Variants in RNF180 observed in about 807,000 individuals in gnomAD.
RNF180 encodes the protein ring finger protein 180.
A neutral mutation model predicts 59.2 loss-of-function variants in RNF180; 38 were observed. The observed-to-expected ratio is 0.64, with a 90% CI of 0.50 to 0.84. The LOEUF (loss-of-function observed/expected upper bound fraction) is 0.84. RNF180 is among the 40% of genes least tolerant of loss of function. The probability of loss-of-function intolerance (pLI) is 0.00; values close to 1 mark genes in which losing one functional copy is unlikely to be tolerated. For synonymous variants in RNF180, 262 were observed against 240.3 expected (o/e 1.09, Z -0.84); for missense variants, 705 against 700.9 (o/e 1.01, Z -0.07).
At chr5:64,255,112 A>G (rs1038711542) in intron 5 of RNF180, among the ~76,000 whole-genome samples, 9 of 152,188 alleles carry the variant, frequency 5.9e-5, no homozygotes, top group Non-Finnish European at 1.3e-4. Context: ...TTTTAAAAAA[A>G]TTATTAAACC....
chr5:64,249,032 C>T (rs1743381064), intron 5 of RNF180, among the ~76,000 whole-genome samples: 2 of 152,150 alleles, frequency 1.3e-5, no homozygotes, highest in African/African-American at 4.8e-5. Context: ...CATGTTTTCA[C>T]TCATAAGTGG....
chr5:64,182,387 A>G (rs1170061336), intron 1 of RNF180, among the ~76,000 whole-genome samples: 2 of 152,192 alleles, frequency 1.3e-5, no homozygotes, highest in Non-Finnish European at 2.9e-5. Context: ...TTATTGTGAA[A>G]CTAGGGTTGT....
At chr5:64,354,690 CT>C (rs1220844815) in intron 7 of RNF180, among the ~76,000 whole-genome samples, 3 of 151,730 alleles carry the variant, frequency 2.0e-5, no homozygotes, top group African/African-American at 4.8e-5. Context: ...CAAAAATTCT[CT>C]GCAAAATACT....
chr5:64,216,385 C>A (rs539500394), intron 4 of RNF180, among the ~76,000 whole-genome samples: 1 of 152,190 alleles, frequency 6.6e-6, no homozygotes, highest in South Asian at 2.1e-4. Context: ...ATTATGTAAA[C>A]ACTTACTAAA....
intron 5 of RNF180, among the ~76,000 whole-genome samples, chr5:64,302,919 A>G (rs576704820): frequency 2.3e-4 from 35 of 151,740 alleles, no homozygotes; most frequent in African/African-American, 8.2e-4. Flanking sequence ...GCTTTATTTC[A>G]CTTTGTAGAT....
intron 5 of RNF180, among the ~76,000 whole-genome samples, chr5:64,291,545 C>A (rs899073386): frequency 6.6e-6 from 1 of 151,100 alleles, no homozygotes; most frequent in Admixed American, 6.6e-5. Context: ...CTGTCTCAGC[C>A]TCCTGAGTAG....
intron 5 of RNF180, among the ~76,000 whole-genome samples, chr5:64,260,794 A>G (rs1744292648): frequency 6.6e-6 from 1 of 152,200 alleles, no homozygotes; most frequent in Non-Finnish European, 1.5e-5. Flanking sequence ...TAAAATGGGA[A>G]TGTTAATCCC....
At chr5:64,224,945 C>T (rs570613290) in intron 5 of RNF180, among the ~76,000 whole-genome samples, 2 of 152,306 alleles carry the variant, frequency 1.3e-5, no homozygotes, top group South Asian at 4.1e-4. Flanking sequence ...AGGCCTTCAC[C>T]ACACCAAATG....
intron 7 of RNF180, among the ~76,000 whole-genome samples, chr5:64,357,783 A>T (rs1018828019): frequency 2.1e-4 from 32 of 151,954 alleles, no homozygotes; most frequent in Admixed American, 1.8e-3. Context: ...GGCGAATATA[A>T]ATTCGAATCA....
intron 5 of RNF180, among the ~76,000 whole-genome samples, chr5:64,308,938 C>T (rs1743612412): frequency 6.6e-6 from 1 of 151,648 alleles, no homozygotes; most frequent in African/African-American, 2.4e-5. Context: ...CTCTCCTCCT[C>T]CTTCTGTAAC....
intron 1 of RNF180, among the ~76,000 whole-genome samples, chr5:64,188,200 G>A (rs1750962684): frequency 6.6e-6 from 1 of 152,140 alleles, no homozygotes; most frequent in African/African-American, 2.4e-5. Flanking sequence ...CAAAGCAGTT[G>A]TGGGTTACTG....
intron 2 of RNF180, among the ~76,000 whole-genome samples, chr5:64,211,413 A>G (rs1752303736): frequency 6.6e-6 from 1 of 152,132 alleles, no homozygotes. Context: ...TGGCTAATTT[A>G]TAAAGTTTAT....
At chr5:64,310,429 A>G (rs1350393857) in intron 5 of RNF180, among the ~76,000 whole-genome samples, 1 of 151,472 alleles carries the variant, frequency 6.6e-6, no homozygotes, top group Admixed American at 6.6e-5. Flanking sequence ...ATATGTCTCA[A>G]TCTTTTAGCC....
chr5:64,203,945 C>T (rs1561186627), intron 2 of RNF180, among the ~76,000 whole-genome samples: 1 of 151,792 alleles, frequency 6.6e-6, no homozygotes, highest in Non-Finnish European at 1.5e-5. Flanking sequence ...TTATTAGAAC[C>T]CCAAAGTAAT....
intron 6 of RNF180, among the ~76,000 whole-genome samples, chr5:64,328,731 T>G (rs898896653): frequency 3.3e-5 from 5 of 152,196 alleles, no homozygotes; most frequent in Non-Finnish European, 7.3e-5. Flanking sequence ...CCCTTTAAAT[T>G]TCTTAGGTAA....
chr5:64,187,075 G>A (rs1174083293), intron 1 of RNF180, among the ~76,000 whole-genome samples: 1 of 152,112 alleles, frequency 6.6e-6, no homozygotes, highest in Non-Finnish European at 1.5e-5. Flanking sequence ...CATTTCTTCA[G>A]TAATATTTTA....
chr5:64,264,042 A>G (rs192115656), intron 5 of RNF180, among the ~76,000 whole-genome samples: 41 of 152,142 alleles, frequency 2.7e-4, no homozygotes, highest in Non-Finnish European at 1.0e-4. Context: ...TTCAGTCTCC[A>G]TATAGTAGTC....
At chr5:64,324,935 A>G (rs1487787453) in intron 5 of RNF180, among the ~76,000 whole-genome samples, 2 of 152,204 alleles carry the variant, frequency 1.3e-5, no homozygotes, top group Admixed American at 6.5e-5. Flanking sequence ...AAATACAGGT[A>G]TACTTAATAG....
intron 5 of RNF180, among the ~76,000 whole-genome samples, chr5:64,232,337 C>T (rs1742145879): frequency 6.6e-6 from 1 of 152,128 alleles, no homozygotes; most frequent in Non-Finnish European, 1.5e-5. Context: ...AGTTTTTTTA[C>T]AATTTCTGCA....
Sources: allele counts gnomAD v4.1 joint callset (sites outside exome capture counted in the v4.1 genomes callset), GRCh38; gene constraint gnomAD v4.1.1; transcripts MANE v1.5; gene names NCBI Gene and HGNC (gene_info 2026-07-23, HGNC 2026-07-21).